Variants in BLK observed in about 807,000 individuals in gnomAD.
BLK encodes BLK proto-oncogene, Src family tyrosine kinase, also known as tyrosine-protein kinase Blk.
A neutral mutation model predicts 61.8 loss-of-function variants in BLK; 64 were observed. The observed-to-expected ratio is 1.03, with a 90% CI of 0.85 to 1.27. BLK has a LOEUF of 1.27. Ranked by LOEUF, BLK falls within the 50% of genes most tolerant of loss-of-function variation. The pLI is 0.00. For synonymous variants in BLK, 351 were observed against 272.0 expected (o/e 1.29, Z -2.86); for missense variants, 853 against 660.5 (o/e 1.29, Z -3.19).
At position 11,529,213 on chromosome 8, in the gene BLK, G is replaced by A. The variant is rs962210899; in HGVS notation, c.-1-14011G>A. On this transcript the variant is annotated intron_variant, in intron 1 of 12. Coordinates refer to ENST00000259089, the MANE Select transcript of BLK (RefSeq NM_001715.3). ...TAGACAAAGCCAATTTATCAAGACA[G>A]AGGAATTGCAAAAGAGAAAGAGTAA... Among the ~76,000 whole-genome samples the A allele has an allele frequency of 2.0e-5, 3 of 152,294 alleles. No homozygotes were observed. In the East Asian group the frequency reaches 5.8e-4, roughly 29 times the overall value.
intron 10 of BLK, 100 bp downstream of exon 10, chr8:11,558,138 G>A: frequency 2.5e-6 from 3 of 1,224,264 alleles, no homozygotes; most frequent in Non-Finnish European, 1.2e-6. Context: ...GCCAGCAGGA[G>A]AAGTCAGGGG....
intron 1 of BLK, among the ~76,000 whole-genome samples, chr8:11,535,261 G>GAAGAAAGAAAGAAGAAAGAAAGA (rs1800070885): frequency 9.1e-6 from 1 of 110,454 alleles, no homozygotes; most frequent in African/African-American, 3.6e-5. Context: ...AAGAAAGAAA[G>GAAGAAAGAAAGAAGAAAGAAAGA]AAGAAAGAAA....
At chr8:11,561,185 T>C in intron 10 of BLK, 117 bp from the exon 11 acceptor site, 1 of 1,415,164 alleles carries the variant, frequency 7.1e-7, no homozygotes, top group Non-Finnish European at 9.7e-7. Flanking sequence ...TTCTACTCCA[T>C]CCAAGAAACA....
intron 10 of BLK, 72 bp from the exon 11 acceptor site, chr8:11,561,230 G>T: frequency 6.4e-7 from 1 of 1,564,494 alleles, no homozygotes; most frequent in South Asian, 1.2e-5. Context: ...GGCTGTGCGG[G>T]GGACACAGTG....
chr8:11,559,026 C>T (rs1187885732), intron 10 of BLK: 2 of 456,268 alleles, frequency 4.4e-6, no homozygotes, highest in South Asian at 1.5e-5. Flanking sequence ...GGCTTCAAAC[C>T]CCAGGGCAGT....
At chr8:11,553,788 G>C (rs902275814) in intron 6 of BLK, among the ~76,000 whole-genome samples, 1 of 152,184 alleles carries the variant, frequency 6.6e-6, no homozygotes. Context: ...GGTGATGAGA[G>C]AGGCACATTG....
chr8:11,548,254 G>T, intron 4 of BLK, 129 bp downstream of exon 4: 1 of 759,232 alleles, frequency 1.3e-6, no homozygotes, highest in Non-Finnish European at 2.2e-6. Context: ...CCCAGCCCTG[G>T]CCCCAGCATT....
intron 4 of BLK, 111 bp downstream of exon 4, chr8:11,548,236 G>T (rs575475288): frequency 1.1e-6 from 1 of 917,776 alleles, no homozygotes; most frequent in East Asian, 2.6e-5. Context: ...CTTCTCCATC[G>T]CCCTGCCCCC....
At chr8:11,524,701 T>A (rs1460502786) in intron 1 of BLK, among the ~76,000 whole-genome samples, 3 of 152,090 alleles carry the variant, frequency 2.0e-5, no homozygotes, top group African/African-American at 7.2e-5. Flanking sequence ...TTGCAGCATG[T>A]TTATGATCTT....
chr8:11,528,631 G>T (rs1799768154), intron 1 of BLK, among the ~76,000 whole-genome samples: 1 of 152,184 alleles, frequency 6.6e-6, no homozygotes, highest in Non-Finnish European at 1.5e-5. Context: ...TGACCCCAGG[G>T]TAAAAGGAGT....
chr8:11,515,203 C>T lies in BLK; in HGVS notation c.-2+20612C>T, dbSNP rs113367586. ...GTCCCCTGGGCTGGGTGGAGGTGGC[C>T]ACAGCAGAGAAGGAAGATGGGTCCT... On this transcript the variant is annotated intron_variant, in intron 1 of 12. Coordinates refer to ENST00000259089, the MANE Select transcript of BLK (RefSeq NM_001715.3). Among the ~76,000 whole-genome samples the T allele has an allele frequency of 6.4e-3, 970 of 152,242 alleles. 3 individuals are homozygous for T. The highest frequency in any genetic ancestry group is 0.014 in the Middle Eastern group (4 of 294).
At chr8:11,535,124 G>A (rs906676731) in intron 1 of BLK, among the ~76,000 whole-genome samples, 1 of 151,706 alleles carries the variant, frequency 6.6e-6, no homozygotes, top group Non-Finnish European at 1.5e-5. Flanking sequence ...GCTGCAGTGA[G>A]CCATGATCAC....
intron 1 of BLK, among the ~76,000 whole-genome samples, chr8:11,518,006 T>G (rs1799295680): frequency 6.6e-6 from 1 of 152,182 alleles, no homozygotes; most frequent in Admixed American, 6.5e-5. Context: ...TGGCTTTGCT[T>G]TGACCTCACT....
At chr8:11,535,184 A>G (rs574418873) in intron 1 of BLK, among the ~76,000 whole-genome samples, 216 of 137,798 alleles carry the variant, frequency 1.6e-3, no homozygotes, top group African/African-American at 5.3e-3. Context: ...TGAATGAAAG[A>G]AAGAAAGAAA....
chr8:11,510,438 T>C (rs1585330857), intron 1 of BLK, among the ~76,000 whole-genome samples: 1 of 152,248 alleles, frequency 6.6e-6, no homozygotes, highest in Non-Finnish European at 1.5e-5. Flanking sequence ...AAACCAGGGT[T>C]TCTAATCAGA....
rs796372093 is a variant in BLK, at chr8:11,558,846, C to T, written c.1029+808C>T. On this transcript the variant is annotated intron_variant, in intron 10 of 12. Coordinates refer to ENST00000259089, the MANE Select transcript of BLK (RefSeq NM_001715.3). ...ATACACACACACATACAGCTGCCAC[C>T]GAGAGGAAACGCTCCCACCCACCGC... 36 of 455,534 alleles carry T rather than the reference C, an allele frequency of 7.9e-5. 1 individual carries two copies. Among genetic ancestry groups the T allele is most frequent in the African/African-American group, 3.4e-4 (17 of 50,138 alleles). The allele number at this position is 455,534 out of a possible 1,614,324, so 28.2% of individuals were successfully genotyped here.
intron 10 of BLK, chr8:11,559,006 GC>G (rs1801358541): frequency 4.4e-6 from 2 of 456,144 alleles, no homozygotes; most frequent in African/African-American, 4.0e-5. Flanking sequence ...GAAAATGAGT[GC>G]TGGTAACCGG....
At chr8:11,524,931 A>AAAG (rs397707314) in intron 1 of BLK, among the ~76,000 whole-genome samples, 1 of 151,706 alleles carries the variant, frequency 6.6e-6, no homozygotes, top group African/African-American at 2.4e-5. Flanking sequence ...AAAAAAAAAA[A>AAAG]GGCCATGGAA....
intron 1 of BLK, among the ~76,000 whole-genome samples, chr8:11,502,896 T>G (rs1028549235): frequency 3.3e-5 from 5 of 152,156 alleles, no homozygotes; most frequent in African/African-American, 1.2e-4. Context: ...TGGGCCTGGA[T>G]GGAGAACCTG....
Sources: gnomAD v4.1 joint callset for allele counts (sites outside exome capture counted in the v4.1 genomes callset) on GRCh38, gnomAD v4.1.1 for gene constraint, MANE v1.5 for transcripts, NCBI Gene and HGNC (gene_info 2026-07-23, HGNC 2026-07-21) for gene names.